Variants in SH3RF3 observed in about 807,000 individuals in gnomAD.
The protein encoded by SH3RF3 is SH3 domain containing ring finger 3, also known as E3 ubiquitin-protein ligase SH3RF3.
SH3RF3 carries 29 observed loss-of-function variants against 66.3 expected under a neutral mutation model. The ratio of observed to expected loss-of-function variants is 0.44; its 90% CI spans 0.33 to 0.60. SH3RF3 has a LOEUF of 0.60. Among genes scored for constraint, SH3RF3 ranks in the 20% least tolerant of loss-of-function variants. The pLI is 0.04. For synonymous variants in SH3RF3, 583 were observed against 532.0 expected (o/e 1.10, Z -1.32); for missense variants, 1,194 against 1,190.9 (o/e 1.00, Z -0.04).
intron 8 of SH3RF3, among the ~76,000 whole-genome samples, chr2:109,458,709 A>G (rs1363117224): frequency 6.6e-6 from 1 of 152,206 alleles, no homozygotes; most frequent in Non-Finnish European, 1.5e-5. Context: ...TGCAGTCTTG[A>G]GGCAGAAAAT....
intron 1 of SH3RF3, among the ~76,000 whole-genome samples, chr2:109,195,264 A>G (rs1362440058): frequency 6.6e-6 from 1 of 152,216 alleles, no homozygotes; most frequent in Non-Finnish European, 1.5e-5. Context: ...CCATGGGAAC[A>G]GGGAGCTAAC....
At chr2:109,137,183 A>G (rs942767371) in intron 1 of SH3RF3, among the ~76,000 whole-genome samples, 6 of 152,208 alleles carry the variant, frequency 3.9e-5, no homozygotes, top group African/African-American at 1.4e-4. Context: ...TAATGAGGAA[A>G]GTGGTATTGG....
intron 8 of SH3RF3, among the ~76,000 whole-genome samples, chr2:109,466,901 G>C (rs1233999539): frequency 6.6e-6 from 1 of 152,038 alleles, no homozygotes; most frequent in Non-Finnish European, 1.5e-5. Flanking sequence ...GCATGTGTTT[G>C]TGTATGTGTG....
intron 7 of SH3RF3, among the ~76,000 whole-genome samples, chr2:109,442,525 A>G (rs1358883259): frequency 6.6e-6 from 1 of 152,162 alleles, no homozygotes; most frequent in Non-Finnish European, 1.5e-5. Flanking sequence ...AGTGAAAGCA[A>G]TCTAGTTTGG....
chr2:109,365,442 G>T (rs71425245), intron 2 of SH3RF3, among the ~76,000 whole-genome samples: 216 of 152,292 alleles, frequency 1.4e-3, no homozygotes, highest in Non-Finnish European at 2.4e-3. Flanking sequence ...AATTTGGGGG[G>T]CAGCAGTTTG....
At chr2:109,319,293 T>C (rs979486911) in intron 1 of SH3RF3, among the ~76,000 whole-genome samples, 2 of 152,232 alleles carry the variant, frequency 1.3e-5, no homozygotes, top group African/African-American at 4.8e-5. Context: ...CATCGTGATA[T>C]GAACTCTACA....
At chr2:109,143,283 C>A (rs531336416) in intron 1 of SH3RF3, among the ~76,000 whole-genome samples, 1 of 152,086 alleles carries the variant, frequency 6.6e-6, no homozygotes, top group Non-Finnish European at 1.5e-5. Context: ...AAGTAAGTAT[C>A]GTGAAACTGA....
intron 4 of SH3RF3, among the ~76,000 whole-genome samples, chr2:109,411,943 C>T (rs892370083): frequency 1.3e-5 from 2 of 152,240 alleles, no homozygotes; most frequent in Non-Finnish European, 1.5e-5. Flanking sequence ...ATGTCTCCCT[C>T]CTGCTGTCTT....
At chr2:109,495,327 C>G (rs1221308319) in intron 9 of SH3RF3, among the ~76,000 whole-genome samples, 10 of 152,196 alleles carry the variant, frequency 6.6e-5, no homozygotes, top group Admixed American at 6.5e-4. Context: ...GCCAGGCAAG[C>G]TGAGTTCTGG....
chr2:109,149,541 G>A (rs1181096471), intron 1 of SH3RF3, among the ~76,000 whole-genome samples: 1 of 152,222 alleles, frequency 6.6e-6, no homozygotes, highest in African/African-American at 2.4e-5. Context: ...GAATTCGCTT[G>A]TTTGACAGAG....
In SH3RF3 at chr2:109,356,127, G is replaced by A. The variant is rs182579379; in HGVS notation, c.849+8178G>A. Reference sequence around the variant, plus strand: ...GAGTTTGGGTTAGAGGCAGAGCTGGGGAAACCTTCCTTGACATTCTTAGAG... The same window carrying A: ...GAGTTTGGGTTAGAGGCAGAGCTGGAGAAACCTTCCTTGACATTCTTAGAG... On this transcript the variant is annotated intron_variant, in intron 2 of 9. Transcript: ENST00000309415. Among the ~76,000 whole-genome samples the A allele has an allele frequency of 1.1e-4, 17 of 152,218 alleles. No individual in the cohort carries two copies. The East Asian group carries it at 3.1e-3, about 28-fold the overall frequency.
intron 1 of SH3RF3, among the ~76,000 whole-genome samples, chr2:109,196,336 G>A (rs548892693): frequency 9.7e-4 from 148 of 152,304 alleles, no homozygotes; most frequent in African/African-American, 3.2e-3. Context: ...AAGGCCTGGC[G>A]TTGGGCTGTG....
chr2:109,286,924 A>G (rs1020658607), intron 1 of SH3RF3, among the ~76,000 whole-genome samples: 11 of 152,216 alleles, frequency 7.2e-5, no homozygotes, highest in African/African-American at 2.7e-4. Flanking sequence ...ATCTGAAAAG[A>G]CAGTGAGCAT....
chr2:109,332,382 C>G (rs1036894823), intron 1 of SH3RF3, among the ~76,000 whole-genome samples: 2 of 152,146 alleles, frequency 1.3e-5, no homozygotes, highest in African/African-American at 4.8e-5. Flanking sequence ...GCCTGTAGCT[C>G]AGCTCTGACA....
At chr2:109,149,879 A>AT (rs1370994148) in intron 1 of SH3RF3, among the ~76,000 whole-genome samples, 7 of 152,144 alleles carry the variant, frequency 4.6e-5, no homozygotes, top group African/African-American at 1.2e-4. Context: ...GCTCGTGGAT[A>AT]TTTTTTGTCC....
chr2:109,335,553 C>T (rs1325043723), intron 1 of SH3RF3, among the ~76,000 whole-genome samples: 2 of 152,200 alleles, frequency 1.3e-5, no homozygotes, highest in African/African-American at 4.8e-5. Flanking sequence ...TATCCCCATC[C>T]CAGTGTTCAT....
chr2:109,384,249 C>T (rs1181435725), intron 3 of SH3RF3, among the ~76,000 whole-genome samples: 1 of 151,848 alleles, frequency 6.6e-6, no homozygotes, highest in East Asian at 1.9e-4. Context: ...ACCCTGGAGA[C>T]CACATCTGCC....
At chr2:109,244,955 G>T (rs1008010036) in intron 1 of SH3RF3, among the ~76,000 whole-genome samples, 14 of 152,214 alleles carry the variant, frequency 9.2e-5, no homozygotes, top group Admixed American at 3.3e-4. Flanking sequence ...TTTGAGACTT[G>T]ATCAGGTGCC....
At chr2:109,199,597 T>TCAACCCGA (rs1558953918) in intron 1 of SH3RF3, among the ~76,000 whole-genome samples, 2 of 274 alleles carry the variant, frequency 7.3e-3, no homozygotes, top group Admixed American at 0.036. Context: ...TGGAATGGAA[T>TCAACCCGA]GGAATGGAAT....
Sources: allele counts gnomAD v4.1 joint callset (sites outside exome capture counted in the v4.1 genomes callset), GRCh38; gene constraint gnomAD v4.1.1; transcripts MANE v1.5; gene names NCBI Gene and HGNC (gene_info 2026-07-23, HGNC 2026-07-21).